PPT1: variants seen among roughly 807,000 people sequenced by gnomAD.
The protein encoded by PPT1 is ceroid-palmitoyl-palmitoyl-protein thioesterase 1.
Under a neutral mutation model 44.0 loss-of-function variants are expected in PPT1, and 24 were observed. That is an observed-to-expected ratio of 0.54 (90% CI 0.39 to 0.77). The LOEUF (loss-of-function observed/expected upper bound fraction) is 0.77, where lower values mean the gene tolerates loss of function less well. Among genes scored for constraint, PPT1 ranks in the 30% least tolerant of loss-of-function variants. The pLI, the probability that PPT1 is intolerant of heterozygous loss-of-function variation, is 0.00. For missense variants in PPT1, 341 were observed against 378.8 expected, an observed-to-expected ratio of 0.90 and a Z score of 0.83; for synonymous variants, 148 against 140.2, an observed-to-expected ratio of 1.06 and a Z score of -0.39.
intron 1 of PPT1, among the ~76,000 whole-genome samples, chr1:40,093,111 G>C (rs1197186957): frequency 6.6e-6 from 1 of 152,158 alleles, no homozygotes; most frequent in Admixed American, 6.5e-5. Context: ...AGTCAAAAGG[G>C]AGAAACAATC....
At chr1:40,081,875 A>C (rs1648960821) in intron 5 of PPT1, among the ~76,000 whole-genome samples, 1 of 152,204 alleles carries the variant, frequency 6.6e-6, no homozygotes, top group Non-Finnish European at 1.5e-5. Flanking sequence ...CCTCAGAAGA[A>C]GACAGGAAAA....
intron 5 of PPT1, 130 bp downstream of exon 5, chr1:40,089,280 C>T (rs944519012): frequency 4.1e-5 from 8 of 194,836 alleles, no homozygotes; most frequent in Non-Finnish European, 7.2e-5. Context: ...GAGCGAAACT[C>T]CATCTCAAAA....
intron 1 of PPT1, among the ~76,000 whole-genome samples, chr1:40,094,652 A>G (rs1649751731): frequency 6.6e-6 from 1 of 152,194 alleles, no homozygotes; most frequent in African/African-American, 2.4e-5. Flanking sequence ...AGGAACAGGA[A>G]GCAAACTGGC....
Position 40,087,070 on chromosome 1 carries a change from C to T in PPT1, c.536+2340G>A, listed in dbSNP as rs564577273. 2.0e-5 allele frequency among the ~76,000 whole-genome samples: 3 copies of T among 152,108 alleles called. No homozygotes were observed. The East Asian group carries it at 5.9e-4, about 30-fold the overall frequency. ...TAAAACAGTTCTCACACTCATTCAT[C>T]TGCTTGCTTGCTTTCAAAAACATGT... On this transcript the variant is annotated intron_variant, in intron 5 of 8. Transcript: ENST00000642050.
chr1:40,088,236 C>T (rs911278505), intron 5 of PPT1, among the ~76,000 whole-genome samples: 5 of 152,050 alleles, frequency 3.3e-5, no homozygotes, highest in South Asian at 2.1e-4. Flanking sequence ...CTCCGCCTCC[C>T]GGGTTTTTTA....
At chr1:40,089,088 G>A (rs1649413061) in intron 5 of PPT1, among the ~76,000 whole-genome samples, 1 of 151,952 alleles carries the variant, frequency 6.6e-6, no homozygotes, top group Admixed American at 6.6e-5. Flanking sequence ...GGAAGTTGGA[G>A]ACCAGCCTAA....
intron 5 of PPT1, among the ~76,000 whole-genome samples, chr1:40,080,736 CGGCGGCAG>C (rs1648890281): frequency 2.6e-5 from 4 of 152,106 alleles, no homozygotes; most frequent in African/African-American, 9.7e-5. Flanking sequence ...TAGCCAGGCG[CGGCGGCAG>C]GCGCCTGTAA....
chr1:40,076,731 T>C (rs1648648893), intron 8 of PPT1, 111 bp downstream of exon 8: 4 of 1,595,722 alleles, frequency 2.5e-6, no homozygotes, highest in Non-Finnish European at 3.4e-6. Context: ...CAGGAGTACC[T>C]AGTGCTCTGA....
chr1:40,071,722 G>C, downstream of PPT1: 1 of 573,398 alleles, frequency 1.7e-6, no homozygotes, highest in South Asian at 2.2e-5. Flanking sequence ...CAGGTCAGTT[G>C]ATCTTCTGCA....
At chr1:40,071,778 A>G (rs1335801949), downstream of PPT1, 2 of 546,628 alleles carry the variant, frequency 3.7e-6, no homozygotes, top group Admixed American at 3.4e-5. Flanking sequence ...CCGCCAGTCC[A>G]TTCTTAAGGA....
At chr1:40,077,300 G>A (rs1648679677) in intron 7 of PPT1, among the ~76,000 whole-genome samples, 1 of 152,200 alleles carries the variant, frequency 6.6e-6, no homozygotes, top group African/African-American at 2.4e-5. Context: ...TTTTTGTAAA[G>A]GCCAGATACA....
At chr1:40,074,958 A>T (rs1648537071) in intron 8 of PPT1, among the ~76,000 whole-genome samples, 1 of 152,118 alleles carries the variant, frequency 6.6e-6, no homozygotes, top group Non-Finnish European at 1.5e-5. Context: ...GGTAACTTAA[A>T]AAACATCCAA....
At chr1:40,072,248 A>C (rs1173572447), downstream of PPT1, 1 of 289,274 alleles carries the variant, frequency 3.5e-6, no homozygotes, top group African/African-American at 4.6e-5. Context: ...GATGACTTTA[A>C]AAGGAAAAAA....
At chr1:40,076,602 T>G in intron 8 of PPT1, 2 of 1,343,646 alleles carry the variant, frequency 1.5e-6, no homozygotes, top group Non-Finnish European at 1.9e-6. Context: ...TCTCTTGTTG[T>G]TTGGAAACCA....
chr1:40,089,245 C>A (rs925880079), intron 5 of PPT1, among the ~76,000 whole-genome samples, 165 bp downstream of exon 5: 3 of 122,936 alleles, frequency 2.4e-5, no homozygotes, highest in Admixed American at 1.1e-4. Context: ...AAAATCACGC[C>A]ACTGCCCTCC....
chr1:40,090,807 T>G (rs1399368937), intron 4 of PPT1, among the ~76,000 whole-genome samples: 1 of 150,330 alleles, frequency 6.7e-6, no homozygotes, highest in Admixed American at 6.7e-5. Context: ...GGAGAATCAT[T>G]CTGCTCCCAC....
intron 5 of PPT1, 53 bp downstream of exon 5, chr1:40,089,357 T>C: frequency 7.2e-7 from 1 of 1,385,478 alleles, no homozygotes; most frequent in Non-Finnish European, 1.0e-6. Flanking sequence ...AAAGTCAGCA[T>C]GATATTTTCA....
chr1:40,081,251 T>G (rs543980606), intron 5 of PPT1, among the ~76,000 whole-genome samples: 9 of 151,692 alleles, frequency 5.9e-5, no homozygotes, highest in Non-Finnish European at 1.2e-4. Context: ...AAGAGGGGAG[T>G]TGGGCCAGAT....
At chr1:40,072,235 A>G (rs956756660), downstream of PPT1, 1 of 377,542 alleles carries the variant, frequency 2.6e-6, no homozygotes, top group Non-Finnish European at 4.6e-6. Context: ...ACCTTCCTAT[A>G]GAGATGACTT....
Sources: allele counts gnomAD v4.1 joint callset (sites outside exome capture counted in the v4.1 genomes callset), GRCh38; gene constraint gnomAD v4.1.1; transcripts MANE v1.5; gene names NCBI Gene and HGNC (gene_info 2026-07-23, HGNC 2026-07-21).